MRPL28: variants seen among roughly 807,000 people sequenced by gnomAD.
The protein encoded by MRPL28 is large ribosomal subunit protein bL28m.
Under a neutral mutation model 26.2 loss-of-function variants are expected in MRPL28, and 25 were observed. The ratio of observed to expected loss-of-function variants is 0.95; its 90% CI spans 0.69 to 1.33. The LOEUF (loss-of-function observed/expected upper bound fraction) is 1.33. Ranked by LOEUF, MRPL28 falls within the 40% of genes most tolerant of loss-of-function variation. The pLI is 0.00. For missense variants in MRPL28, 432 were observed against 327.2 expected, an observed-to-expected ratio of 1.32 and a Z score of -2.47; for synonymous variants, 227 against 140.1, an observed-to-expected ratio of 1.62 and a Z score of -4.38.
chr16:370,003 G>C lies in MRPL28; in HGVS notation c.216C>G (p.Pro72=). The change falls in exon 2 of 6, where the codon CCC becomes CCG. Residue 72 remains proline, a synonymous_variant. Coordinates refer to ENST00000199706, the MANE Select transcript of MRPL28 (RefSeq NM_006428.5). ...CCCACAACCCCCGCTGGGATTCGGG[G>C]GGAAAGTAGATGGGAATGGGCACGT... The part of the protein sequence containing the change: ...VEDVPIPIYF[P]PESQRGLWGG... 6.2e-7 allele frequency: 1 copy of C among 1,613,224 alleles called. No homozygotes were observed. The highest frequency in any genetic ancestry group is 1.1e-5 in the South Asian group (1 of 91,084).
intron 2 of MRPL28, 198 bp from the exon 3 acceptor site, chr16:369,418 G>C (rs766359564): frequency 1.4e-5 from 9 of 653,226 alleles, no homozygotes; most frequent in Non-Finnish European, 2.4e-5. Flanking sequence ...TGTGTACCCA[G>C]AAGTCAGCTG....
Position 367,439 on chromosome 16 carries a change from GAACACTGCCGCA to G in MRPL28, c.*224_*235del. ...TCGCTCCCGGCCCCACGGGCACAAG[GAACACTGCCGCA>G]AACGTCGGGGCCCAGCCTGAGAGGA... is the stretch of plus-strand genomic sequence containing the variant. On this transcript the variant is annotated 3_prime_UTR_variant, in exon 6 of 6. Coordinates refer to ENST00000199706, the MANE Select transcript of MRPL28 (RefSeq NM_006428.5). 1 of 714,734 alleles carries G rather than the reference GAACACTGCCGCA, an allele frequency of 1.4e-6. No homozygotes were observed. Among genetic ancestry groups the G allele is most frequent in the South Asian group, 1.5e-5 (1 of 67,446 alleles). The allele number at this position is 714,734 out of a possible 1,614,324, so 44.3% of individuals were successfully genotyped here.
In MRPL28 at chr16:369,617, C is replaced by CCTGCTCTGCTCGCCTACCCG. The variant is rs749046347; in HGVS notation, c.288+313_288+314insCGGGTAGGCGAGCAGAGCAG. 4.5e-6 allele frequency: 3 copies of CCTGCTCTGCTCGCCTACCCG among 672,324 alleles called. No homozygotes were observed. In the Admixed American group the frequency reaches 6.4e-5, roughly 14 times the overall value. The allele number at this position is 672,324 out of a possible 1,614,324, so 41.6% of individuals were successfully genotyped here. ...GCCTCGAAGCTCTGCTCGCCTCCCC[C>CCTGCTCTGCTCGCCTACCCG]ACCTGCTCTGCTCGCCTCTCCCACC... On this transcript the variant is annotated intron_variant, in intron 2 of 5. Coordinates refer to ENST00000199706, the MANE Select transcript of MRPL28 (RefSeq NM_006428.5).
rs927469616 is a variant in MRPL28, at chr16:366,998, A to G, written c.*677T>C. Among the ~76,000 whole-genome samples, 1 of 152,212 alleles carries G rather than the reference A, an allele frequency of 6.6e-6. No individual in the cohort carries two copies. Among genetic ancestry groups the G allele is most frequent in the Non-Finnish European group, 1.5e-5 (1 of 68,042 alleles). On this transcript the variant is annotated 3_prime_UTR_variant, in exon 6 of 6. Transcript: ENST00000199706. ...TGAGGCAGGTGGGTCACCTGAGGTC[A>G]GGAGTTCAAGCCCAGCCTGGCCAAC...
chr16:369,200 T>C lies in MRPL28; in HGVS notation c.309A>G (p.Lys103=). 1.9e-6 allele frequency: 3 copies of C among 1,613,984 alleles called. No individual in the cohort carries two copies. The highest frequency in any genetic ancestry group is 2.5e-6 in the Non-Finnish European group (3 of 1,179,940). Residue 103 remains lysine, a synonymous_variant, in exon 3 of 6, where the codon AAA becomes AAG. Coordinates refer to ENST00000199706, the MANE Select transcript of MRPL28 (RefSeq NM_006428.5). ...GCTCAAACAGCTGTGGCTTCCACAC[T>C]TTCTTCAGCCTCTTGGAGAGCTGAG... The part of the protein sequence containing the change: ...NNDKLSKRLK[K]VWKPQLFERE...
intron 5 of MRPL28, 33 bp downstream of exon 5, chr16:368,295 G>C (rs772061877): frequency 6.2e-7 from 1 of 1,607,012 alleles, no homozygotes; most frequent in Non-Finnish European, 8.5e-7. Flanking sequence ...CAGGCTCTGG[G>C]CAGGCAGCAT....
chr16:369,588 A>G, intron 2 of MRPL28: 1 of 611,162 alleles, frequency 1.6e-6, no homozygotes, highest in Non-Finnish European at 3.1e-6. Context: ...GTCCACCACA[A>G]GCAGCCTCGA....
At chr16:368,720 C>A in intron 3 of MRPL28, 85 bp from the exon 4 acceptor site, 3 of 1,504,130 alleles carry the variant, frequency 2.0e-6, no homozygotes, top group Non-Finnish European at 2.7e-6. Flanking sequence ...CCTCTCTAGC[C>A]GCTGGTGGTC....
rs80158709 is a variant in MRPL28, at chr16:370,079, C to T, written c.140G>A (p.Gly47Glu). The T allele has an allele frequency of 3.1e-3, 4,939 of 1,612,344 alleles. 66 individuals are homozygous for T. Among genetic ancestry groups the T allele is most frequent in the African/African-American group, 0.027 (2,061 of 74,960 alleles). ...TPTPVHYRPH[G>E]AKFKINPKNG... ...CTTGGGGTTGATCTTGAACTTGGCC[C>T]CATGAGGCCTATAGTGCACGGGAGT... Residue 47 changes from glycine to glutamate, a missense_variant, in exon 2 of 6, where the codon GGG becomes GAG. Physicochemically the swap from Gly to Glu is moderately conservative, Grantham distance 98. Coordinates refer to ENST00000199706, the MANE Select transcript of MRPL28 (RefSeq NM_006428.5).
rs749060718 is a variant in MRPL28 at position 369,158 on chromosome 16, C to G, written c.351G>C (p.Glu117Asp). The G allele has an allele frequency of 6.2e-6, 10 of 1,613,980 alleles. No homozygotes were observed. In the South Asian group the frequency reaches 1.1e-4, roughly 18 times the overall value. Residue 117 changes from glutamate (E) to aspartate (D), a missense_variant, in exon 3 of 6, where the codon GAG becomes GAC. Transcript: ENST00000199706. ...PQLFEREFYS[E>D]ILDKKFTVTV... is the part of the protein sequence containing the mutation. ...TCACTGTGAACTTCTTGTCCAGGAT[C>G]TCACTGTAGAACTCTCGCTCAAACA...
chr16:369,627 G>C (rs1597152270), intron 2 of MRPL28: 2 of 718,826 alleles, frequency 2.8e-6, no homozygotes, highest in East Asian at 5.4e-5. Context: ...CACCTGCTCT[G>C]CTCGCCTCTC....
chr16:368,375 G>A lies in MRPL28; in HGVS notation c.616C>T (p.Leu206Phe). Residue 206 changes from leucine (L) to phenylalanine (F), a missense_variant, in exon 5 of 6, where the codon CTC becomes TTC. Coordinates refer to ENST00000199706, the MANE Select transcript of MRPL28 (RefSeq NM_006428.5). ...TTCTCAATGGCCTCCTCCAGCGTGA[G>A]GCCCACCCACTCTGCCTCCTCCTCT... ...IPEEEAEWVG[L>F]TLEEAIEKQR... 1 of 1,613,758 alleles carries A rather than the reference G, an allele frequency of 6.2e-7. No individual in the cohort carries two copies. Among genetic ancestry groups the A allele is most frequent in the African/African-American group, 1.3e-5 (1 of 75,032 alleles).
At position 369,184 on chromosome 16, in the gene MRPL28, G is replaced by A. The variant is rs776048000; in HGVS notation, c.325C>T (p.Leu109=). The change falls in exon 3 of 6, where the codon CTG becomes TTG. Residue 109 remains leucine (L), a synonymous_variant. Transcript: ENST00000199706. Reference sequence around the variant, plus strand: ...TCACTGTAGAACTCTCGCTCAAACAGCTGTGGCTTCCACACTTTCTTCAGC... The same window carrying A: ...TCACTGTAGAACTCTCGCTCAAACAACTGTGGCTTCCACACTTTCTTCAGC... ...KRLKKVWKPQ[L]FEREFYSEIL... 1 of 1,613,926 alleles carries A rather than the reference G, an allele frequency of 6.2e-7. No homozygotes were observed. The highest frequency in any genetic ancestry group is 8.5e-7 in the Non-Finnish European group (1 of 1,179,954).
rs1489615702 is a variant in MRPL28, at chr16:368,403, G to A, written c.588C>T (p.Ile196=). The A allele has an allele frequency of 1.2e-6, 2 of 1,613,700 alleles. No individual in the cohort carries two copies. Among genetic ancestry groups the A allele is most frequent in the African/African-American group, 1.3e-5 (1 of 74,916 alleles). ...AIYDKYKEFA[I]PEEEAEWVGL... Reference sequence around the variant, plus strand: ...CCACCCACTCTGCCTCCTCCTCTGGGATGGCAAATTCCTAGGCAGGCAGAG... The same window carrying A: ...CCACCCACTCTGCCTCCTCCTCTGGAATGGCAAATTCCTAGGCAGGCAGAG... Residue 196 remains isoleucine, a synonymous_variant, in exon 5 of 6, where the codon ATC becomes ATT. Coordinates refer to ENST00000199706, the MANE Select transcript of MRPL28 (RefSeq NM_006428.5).
In MRPL28 at chr16:369,788, G is replaced by A. The variant is rs1221997545; in HGVS notation, c.288+143C>T. 6.5e-6 allele frequency: 7 copies of A among 1,074,770 alleles called. 1 individual carries two copies. Among genetic ancestry groups the A allele is most frequent in the South Asian group, 4.5e-5 (3 of 66,186 alleles). 66.6% of individuals were successfully genotyped at this position (1,074,770 alleles called of 1,614,324 possible). A position where few individuals can be genotyped will look rare whatever the true frequency, so the allele number is the denominator to read the frequency against. ...CCAGAACTGCGGTTCTTCACTCAGC[G>A]TGCTCCTTTGCCGGAGATGTGTCGC... On this transcript the variant is annotated intron_variant, in intron 2 of 5. Transcript: ENST00000199706.
At chr16:368,952 G>C in intron 3 of MRPL28, 116 bp downstream of exon 3, 1 of 1,317,216 alleles carries the variant, frequency 7.6e-7, no homozygotes, top group Non-Finnish European at 1.0e-6. Context: ...CGCTTTCCCA[G>C]TGACCCTCCT....
At position 369,216 on chromosome 16, in the gene MRPL28, GAGAGCTGAGGGTGCAAC is replaced by G. The variant is rs1426862654; in HGVS notation, c.289-13_292del. 2 of 1,613,722 alleles carry G rather than the reference GAGAGCTGAGGGTGCAAC, an allele frequency of 1.2e-6. No individual in the cohort carries two copies. Among genetic ancestry groups the G allele is most frequent in the African/African-American group, 2.7e-5 (2 of 74,910 alleles). On this transcript the variant is annotated splice_acceptor_variant and splice_polypyrimidine_tract_variant and coding_sequence_variant and intron_variant, in exon 3 of 6. Coordinates refer to ENST00000199706, the MANE Select transcript of MRPL28 (RefSeq NM_006428.5). LOFTEE classifies it high-confidence loss of function. ...CTTCCACACTTTCTTCAGCCTCTTGGAGAGCTGAGGGTGCAACAGAGCCTCCATGAGTACTGCTGCTT... is the reference window on the plus strand; with the variant it reads ...CTTCCACACTTTCTTCAGCCTCTTGGAGAGCCTCCATGAGTACTGCTGCTT...
At chr16:367,866 C>T in intron 5 of MRPL28, 84 bp from the exon 6 acceptor site, 1 of 1,171,292 alleles carries the variant, frequency 8.5e-7, no homozygotes, top group South Asian at 1.3e-5. Flanking sequence ...GCAGCTGCCG[C>T]CCAGAGGAAC....
At position 368,633 on chromosome 16, in the gene MRPL28, G is replaced by A. The variant is rs1465705856; in HGVS notation, c.444C>T (p.Thr148=). 1 of 1,550,300 alleles carries A rather than the reference G, an allele frequency of 6.5e-7. No homozygotes were observed. The highest frequency in any genetic ancestry group is 1.9e-5 in the Admixed American group (1 of 52,600). ...AYGLDFYILK[T]PKEDLCSKFG... ...ACTTGGAGCACAGGTCCTCCTTCGG[G>A]GTCTGGCAGAAGGCTCACATGGGGC... The change falls in exon 4 of 6, where the codon ACC becomes ACT. Residue 148 remains threonine (T), a splice_region_variant and synonymous_variant. Transcript: ENST00000199706.
Sources: gnomAD v4.1 joint callset for allele counts (sites outside exome capture counted in the v4.1 genomes callset) on GRCh38, gnomAD v4.1.1 for gene constraint, MANE v1.5 for transcripts, NCBI Gene and HGNC (gene_info 2026-07-23, HGNC 2026-07-21) for gene names.